WDR44: variants seen among roughly 807,000 people sequenced by gnomAD.
The protein encoded by WDR44 is WD repeat-containing protein 44.
WDR44 carries 9 observed loss-of-function variants against 65.7 expected under a neutral mutation model. That is an observed-to-expected ratio of 0.14 (90% CI 0.08 to 0.24). WDR44 has a LOEUF of 0.24. WDR44 is among the 10% of genes least tolerant of loss of function. The pLI is 1.00. For missense variants in WDR44, 425 were observed against 670.9 expected, an observed-to-expected ratio of 0.63 and a Z score of 4.05; for synonymous variants, 220 against 235.2, an observed-to-expected ratio of 0.94 and a Z score of 0.59.
chrX:118,388,924 A>G (rs749956804), intron 3 of WDR44, among the ~76,000 whole-genome samples: 2 of 112,218 alleles, frequency 1.8e-5, no homozygotes, highest in Non-Finnish European at 3.8e-5. Flanking sequence ...ATGGATTACA[A>G]TGTTATCTAG....
rs1213083479 is a variant in WDR44 at position 118,438,797 on chromosome X, G to GTTTTTTTTTTTTTTTTTTTTT, written c.1974+1974_1974+1994dup. ...TTTATTAAACTTTCTGTTCAGCCAT[G>GTTTTTTTTTTTTTTTTTTTTT]TTTTTTTTTTTTTTTTTTTTTGAAG... On this transcript the variant is annotated intron_variant, in intron 14 of 19. Coordinates refer to ENST00000254029, the MANE Select transcript of WDR44 (RefSeq NM_019045.5). Among the ~76,000 whole-genome samples the GTTTTTTTTTTTTTTTTTTTTT allele has an allele frequency of 1.6e-4, 10 of 64,041 alleles. 1 individual carries two copies. Among genetic ancestry groups the GTTTTTTTTTTTTTTTTTTTTT allele is most frequent in the East Asian group, 6.3e-4 (1 of 1,587 alleles). The allele number at this position is 64,041 out of a possible 115,157, so 55.6% of individuals were successfully genotyped here.
chrX:118,414,082 A>C (rs776471532), intron 12 of WDR44, among the ~76,000 whole-genome samples: 9 of 110,407 alleles, frequency 8.2e-5, no homozygotes, highest in Non-Finnish European at 1.3e-4. Flanking sequence ...CTTGGTGACT[A>C]TGGCCTTATA....
chrX:118,407,855 G>A (rs1438005894), intron 10 of WDR44, among the ~76,000 whole-genome samples: 2 of 112,111 alleles, frequency 1.8e-5, no homozygotes, highest in African/African-American at 3.2e-5. Context: ...ATTTAGATCT[G>A]AATAAATAAT....
chrX:118,406,022 T>C (rs1326439989), intron 9 of WDR44, among the ~76,000 whole-genome samples: 2 of 110,324 alleles, frequency 1.8e-5, no homozygotes, highest in African/African-American at 6.6e-5. Flanking sequence ...GTGCCTATAG[T>C]CCCAGCTACT....
intron 1 of WDR44, among the ~76,000 whole-genome samples, chrX:118,364,485 A>G (rs1380338135): frequency 8.9e-6 from 1 of 111,996 alleles, no homozygotes; most frequent in Non-Finnish European, 1.9e-5. Context: ...TATTGAAATT[A>G]TGTGTTATAT....
At chrX:118,369,661 G>A (rs1430888098) in intron 1 of WDR44, among the ~76,000 whole-genome samples, 1 of 107,618 alleles carries the variant, frequency 9.3e-6, no homozygotes, top group Non-Finnish European at 1.9e-5. Context: ...GTAGAGATGG[G>A]GTTTCACCGT....
At chrX:118,387,181 C>CAAAA (rs61229618) in intron 2 of WDR44, among the ~76,000 whole-genome samples, 159 bp from the exon 3 acceptor site, 4 of 38,245 alleles carry the variant, frequency 1.0e-4, no homozygotes, top group East Asian at 7.6e-4. Flanking sequence ...AACTCTGTCT[C>CAAAA]AAAAAAAAAA....
intron 12 of WDR44, 82 bp from the exon 13 acceptor site, chrX:118,432,699 T>C (rs758207139): frequency 5.7e-6 from 5 of 873,173 alleles, no homozygotes; most frequent in Non-Finnish European, 8.3e-6. Flanking sequence ...TCATACAAAA[T>C]GCTGAGAGAA....
At chrX:118,441,593 T>C in intron 15 of WDR44, 34 bp downstream of exon 15, 1 of 1,128,584 alleles carries the variant, frequency 8.9e-7, no homozygotes, top group Non-Finnish European at 1.2e-6. Flanking sequence ...TATATAATTG[T>C]ATACTTAGTA....
intron 1 of WDR44, among the ~76,000 whole-genome samples, chrX:118,358,683 G>A (rs761486368): frequency 1.8e-5 from 2 of 110,231 alleles, no homozygotes; most frequent in East Asian, 5.8e-4. Context: ...CCAGCCTGGC[G>A]ACAGAGCGAG....
chrX:118,407,958 C>T (rs1485184559), intron 10 of WDR44, among the ~76,000 whole-genome samples: 1 of 102,419 alleles, frequency 9.8e-6, no homozygotes, highest in Non-Finnish European at 2.0e-5. Context: ...GGATGGCAAC[C>T]AAATTCAAAT....
intron 14 of WDR44, among the ~76,000 whole-genome samples, chrX:118,440,632 T>C (rs1257391847): frequency 9.0e-6 from 1 of 111,109 alleles, no homozygotes; most frequent in Non-Finnish European, 1.9e-5. Flanking sequence ...CCAAAAAAAG[T>C]CTGTGGTTAA....
At chrX:118,403,659 T>C (rs1344014621) in intron 8 of WDR44, among the ~76,000 whole-genome samples, 1 of 112,124 alleles carries the variant, frequency 8.9e-6, no homozygotes, top group Non-Finnish European at 1.9e-5. Context: ...CTTTTGGTTT[T>C]AAATATCATC....
chrX:118,435,503 G>A (rs1013176941), intron 13 of WDR44, among the ~76,000 whole-genome samples: 4 of 111,148 alleles, frequency 3.6e-5, no homozygotes, highest in Non-Finnish European at 5.7e-5. Context: ...GACTGATCTC[G>A]AACTCCTGAC....
At chrX:118,359,495 C>T (rs945717100) in intron 1 of WDR44, among the ~76,000 whole-genome samples, 3 of 112,066 alleles carry the variant, frequency 2.7e-5, no homozygotes, top group Non-Finnish European at 5.6e-5. Flanking sequence ...TGGCATAAAG[C>T]TGCACTACAT....
In WDR44 at chrX:118,356,233, G is replaced by C. The variant is rs778900751; in HGVS notation, c.77+9653G>C. Among the ~76,000 whole-genome samples the C allele has an allele frequency of 6.3e-5, 7 of 111,867 alleles. No individual in the cohort carries two copies. In the South Asian group the frequency reaches 2.6e-3, roughly 42 times the overall value. ...TGATTACGGCATGGTAGCCAGGTCAGAAAATGACCTTGCTTCTGAAAAAGC... is the reference window on the plus strand; with the variant it reads ...TGATTACGGCATGGTAGCCAGGTCACAAAATGACCTTGCTTCTGAAAAAGC... On this transcript the variant is annotated intron_variant, in intron 1 of 19. Transcript: ENST00000254029.
rs201848504 is a variant in WDR44, at chrX:118,404,340, C to G, written c.1277C>G (p.Thr426Ser). Residue 426 changes from threonine to serine, a missense_variant and splice_region_variant, in exon 9 of 20, where the codon ACT becomes AGT. This residue lies in a region of WDR44 where 77 missense variants were observed against 183.5 expected (regional missense o/e 0.42). Transcript: ENST00000254029. ...ATACTTTTTTCATTTTTGTTAAGGA[C>G]TCAACTAAAGAAGTTTCTTGGAAAA... is the stretch of plus-strand genomic sequence containing the variant. ...TDGGRLKQKT[T>S]QLKKFLGKSV... 1.7e-6 allele frequency: 2 copies of G among 1,191,993 alleles called. No homozygotes were observed. Among genetic ancestry groups the G allele is most frequent in the Non-Finnish European group, 1.1e-6 (1 of 885,260 alleles).
intron 19 of WDR44, among the ~76,000 whole-genome samples, chrX:118,447,965 ATTG>A (rs2057362427): frequency 2.0e-5 from 2 of 100,905 alleles, no homozygotes; most frequent in Non-Finnish European, 4.0e-5. Context: ...AGTAGGCATT[ATTG>A]TTATCATTTT....
chrX:118,360,824 G>C (rs750088984), intron 1 of WDR44, among the ~76,000 whole-genome samples: 10 of 111,723 alleles, frequency 9.0e-5, no homozygotes, highest in Non-Finnish European at 1.7e-4. Context: ...GTAATTTCCT[G>C]GTGAACCTTT....
Sources: allele counts gnomAD v4.1 joint callset (sites outside exome capture counted in the v4.1 genomes callset), GRCh38; gene constraint gnomAD v4.1.1; regional missense constraint gnomAD v4.1.1; transcripts MANE v1.5; gene names NCBI Gene and HGNC (gene_info 2026-07-23, HGNC 2026-07-21).